The following TYW5 variants were observed in gnomAD, a reference collection of about 807,000 sequenced individuals.
TYW5 encodes tRNA-yW synthesizing protein 5.
In TYW5, 36 loss-of-function variants were observed where a neutral mutation model predicts 44.4. The observed-to-expected ratio is 0.81, with a 90% confidence interval of 0.62 to 1.07. The LOEUF (loss-of-function observed/expected upper bound fraction) is 1.07, where lower values mean the gene tolerates loss of function less well. Among genes scored for constraint, TYW5 ranks in the 50% least tolerant of loss-of-function variants. TYW5 has a pLI of 0.00. For synonymous variants in TYW5, 121 were observed against 128.1 expected (o/e 0.94, Z 0.37); for missense variants, 354 against 365.7 (o/e 0.97, Z 0.26).
chr2:199,938,237 T>C (rs968993557), intron 5 of TYW5, among the ~76,000 whole-genome samples: 2 of 152,066 alleles, frequency 1.3e-5, no homozygotes, highest in Non-Finnish European at 2.9e-5. Flanking sequence ...GCTAATTTTT[T>C]GTATTTTTAG....
intron 2 of TYW5, chr2:199,946,852 T>C (rs937179103): frequency 6.6e-6 from 1 of 152,180 alleles, no homozygotes; most frequent in African/African-American, 2.4e-5. Context: ...GAAGCTGTGA[T>C]AGGAACTATT....
intron 2 of TYW5, 132 bp from the exon 3 acceptor site, chr2:199,943,966 T>A (rs1302259125): frequency 3.4e-6 from 2 of 588,108 alleles, no homozygotes; most frequent in Admixed American, 3.7e-5. Flanking sequence ...ATTTTTATTA[T>A]AACCTATTAT....
intron 2 of TYW5, chr2:199,945,529 T>C (rs1038639065): frequency 6.6e-6 from 1 of 152,250 alleles, no homozygotes; most frequent in Non-Finnish European, 1.5e-5. Context: ...ACAAATTTAC[T>C]TGGCATTCTC....
At chr2:199,936,295 A>G in intron 6 of TYW5, 110 bp downstream of exon 6, 1 of 922,750 alleles carries the variant, frequency 1.1e-6, no homozygotes, top group Non-Finnish European at 1.6e-6. Flanking sequence ...ATACACAAAT[A>G]CAATTAGGAT....
At position 199,932,216 on chromosome 2, in the gene TYW5, A is replaced by G. The variant is rs1402691171; in HGVS notation, c.*851T>C. ...ACCCTGTGAGGTCTATTAAGTTCCT[A>G]TACCAAATCCCAAACACTCTTGAAT... is the stretch of plus-strand genomic sequence containing the variant. On this transcript the variant is annotated 3_prime_UTR_variant, in exon 8 of 8. Coordinates refer to ENST00000354611, the MANE Select transcript of TYW5 (RefSeq NM_001039693.3). 2.0e-5 allele frequency: 3 copies of G among 152,182 alleles called. No individual in the cohort carries two copies. The highest frequency in any genetic ancestry group is 7.2e-5 in the African/African-American group (3 of 41,442). 9.4% of individuals were successfully genotyped at this position (152,182 alleles called of 1,614,324 possible). A position where few individuals can be genotyped will look rare whatever the true frequency, so the allele number is the denominator to read the frequency against.
At position 199,943,977 on chromosome 2, in the gene TYW5, G is replaced by T. The variant is rs78878652; in HGVS notation, c.234-143C>A. 1,311 of 559,470 alleles carry T rather than the reference G, an allele frequency of 2.3e-3. 13 individuals carry two copies. Among genetic ancestry groups the T allele is most frequent in the African/African-American group, 0.023 (1,182 of 51,810 alleles). 34.7% of individuals were successfully genotyped at this position (559,470 alleles called of 1,614,324 possible). A position where few individuals can be genotyped will look rare whatever the true frequency, so the allele number is the denominator to read the frequency against. ...TGTAATTTTTATTATAACCTATTAT[G>T]TGAAATTCTAACTTTTCAAAACTTA... On this transcript the variant is annotated intron_variant, in intron 2 of 7. Coordinates refer to ENST00000354611, the MANE Select transcript of TYW5 (RefSeq NM_001039693.3).
At position 199,948,313 on chromosome 2, in the gene TYW5, A is replaced by T. The variant is rs1225610638; in HGVS notation, c.233+5T>A. 4 of 1,614,020 alleles carry T rather than the reference A, an allele frequency of 2.5e-6. No homozygotes were observed. The highest frequency in any genetic ancestry group is 1.3e-5 in the African/African-American group (1 of 75,052). On this transcript the variant is annotated splice_donor_5th_base_variant and intron_variant, in intron 2 of 7. Coordinates refer to ENST00000354611, the MANE Select transcript of TYW5 (RefSeq NM_001039693.3). ...ATCCCCAGAGTAAACCTCAGAAGAAAATACCTATATACAAAGTTCTTACTA... is the reference window on the plus strand; with the variant it reads ...ATCCCCAGAGTAAACCTCAGAAGAATATACCTATATACAAAGTTCTTACTA...
At chr2:199,937,747 T>G (rs1388602722) in intron 5 of TYW5, among the ~76,000 whole-genome samples, 1 of 152,232 alleles carries the variant, frequency 6.6e-6, no homozygotes, top group Non-Finnish European at 1.5e-5. Context: ...TTTCTCACCA[T>G]GTTATTCATA....
intron 2 of TYW5, chr2:199,946,684 T>G (rs2077506549): frequency 6.6e-6 from 1 of 152,206 alleles, no homozygotes; most frequent in Admixed American, 6.5e-5. Flanking sequence ...TATACATGTG[T>G]GTGCAGGGTT....
intron 1 of TYW5, among the ~76,000 whole-genome samples, chr2:199,951,710 C>T (rs906324265): frequency 1.3e-5 from 2 of 152,084 alleles, no homozygotes; most frequent in Admixed American, 1.3e-4. Flanking sequence ...CTGTTGTGTG[C>T]TTTTTAAAAA....
rs1559302095 is a variant in TYW5, at chr2:199,938,893, G to C, written c.486+40C>G. The C allele has an allele frequency of 1.9e-6, 3 of 1,547,844 alleles. No homozygotes were observed. The South Asian group carries it at 3.7e-5, about 19-fold the overall frequency. On this transcript the variant is annotated intron_variant, in intron 5 of 7. Coordinates refer to ENST00000354611, the MANE Select transcript of TYW5 (RefSeq NM_001039693.3). ...TGACTGTTAAATCTATAATGCTAAAGATCTATTGTAGCTTTAAATTTCTCA... is the reference window on the plus strand; with the variant it reads ...TGACTGTTAAATCTATAATGCTAAACATCTATTGTAGCTTTAAATTTCTCA...
rs369890793 is a variant in TYW5 at position 199,933,020 on chromosome 2, G to A, written c.*47C>T. The A allele has an allele frequency of 1.2e-5, 19 of 1,588,508 alleles. No homozygotes were observed. The highest frequency in any genetic ancestry group is 1.7e-4 in the Middle Eastern group (1 of 5,926). The stretch of plus-strand genomic sequence containing the variant: ...TTTAACAAAATCTTTAATTTATATC[G>A]TTATACCTTACTAAAGTGTTAATGT... On this transcript the variant is annotated 3_prime_UTR_variant, in exon 8 of 8. Transcript: ENST00000354611.
chr2:199,929,131 C>T lies in TYW5; in HGVS notation c.*3936G>A, dbSNP rs1257134558. Among the ~76,000 whole-genome samples the T allele has an allele frequency of 1.3e-5, 2 of 151,582 alleles. No homozygotes were observed. The highest frequency in any genetic ancestry group is 2.1e-4 in the South Asian group (1 of 4,806). ...TAGTGGTAGAGACAGGCAAGAGTCA[C>T]CAAAAAAGGTCATTTTAGTATTCTG... On this transcript the variant is annotated 3_prime_UTR_variant, in exon 8 of 8. Coordinates refer to ENST00000354611, the MANE Select transcript of TYW5 (RefSeq NM_001039693.3).
At chr2:199,940,818 T>C (rs916952213) in intron 3 of TYW5, among the ~76,000 whole-genome samples, 1 of 152,134 alleles carries the variant, frequency 6.6e-6, no homozygotes, top group Non-Finnish European at 1.5e-5. Context: ...ATTTAGACTC[T>C]TATTTTAATA....
chr2:199,929,825 T>C lies in TYW5; in HGVS notation c.*3242A>G, dbSNP rs1437837642. On this transcript the variant is annotated 3_prime_UTR_variant, in exon 8 of 8. Transcript: ENST00000354611. The stretch of plus-strand genomic sequence containing the variant: ...TTATGAAATGCTAATAATTACACTC[T>C]GTTTAGTTTTTTTTTTTGAGACAGG... 1 of 151,784 alleles carries C rather than the reference T, an allele frequency of 6.6e-6. No homozygotes were observed. The highest frequency in any genetic ancestry group is 2.4e-5 in the African/African-American group (1 of 40,932). The allele number at this position is 151,784 out of a possible 1,614,324, so 9.4% of individuals were successfully genotyped here.
chr2:199,936,754 C>T (rs938998313), intron 5 of TYW5, among the ~76,000 whole-genome samples: 4 of 152,164 alleles, frequency 2.6e-5, no homozygotes, highest in Non-Finnish European at 5.9e-5. Flanking sequence ...CTTTGCCTCA[C>T]CATTAACTGA....
intron 4 of TYW5, 140 bp from the exon 5 acceptor site, chr2:199,939,210 T>G: frequency 1.4e-6 from 1 of 695,780 alleles, no homozygotes; most frequent in Non-Finnish European, 2.2e-6. Flanking sequence ...CTCTCTATCT[T>G]TCTCTCTCTC....
Position 199,932,926 on chromosome 2 carries a change from A to C in TYW5, c.*141T>G, listed in dbSNP as rs2077390766. Reference sequence around the variant, plus strand: ...GCATTCTTTAATTATAACAATCTGTATCAAGTAGAATCCACACAAACACCC... The same window carrying C: ...GCATTCTTTAATTATAACAATCTGTCTCAAGTAGAATCCACACAAACACCC... On this transcript the variant is annotated 3_prime_UTR_variant, in exon 8 of 8. Transcript: ENST00000354611. 4.3e-6 allele frequency: 4 copies of C among 933,556 alleles called. No homozygotes were observed. Among genetic ancestry groups the C allele is most frequent in the Non-Finnish European group, 3.1e-6 (2 of 636,764 alleles). The allele number at this position is 933,556 out of a possible 1,614,324, so 57.8% of individuals were successfully genotyped here. A position where few individuals can be genotyped will look rare whatever the true frequency, so the allele number is the denominator to read the frequency against.
intron 5 of TYW5, among the ~76,000 whole-genome samples, chr2:199,937,289 G>A (rs983326218): frequency 6.6e-6 from 1 of 151,878 alleles, no homozygotes; most frequent in African/African-American, 2.4e-5. Context: ...GCGTTCCTCT[G>A]ACTTAATTTA....
Sources: allele counts gnomAD v4.1 joint callset (sites outside exome capture counted in the v4.1 genomes callset), GRCh38; gene constraint gnomAD v4.1.1; transcripts MANE v1.5; gene names NCBI Gene and HGNC (gene_info 2026-07-23, HGNC 2026-07-21).